Variants in PARP3 observed in about 807,000 individuals in gnomAD.
The protein encoded by PARP3 is poly(ADP-ribose) polymerase family member 3, also known as protein mono-ADP-ribosyltransferase PARP3.
PARP3 carries 46 observed loss-of-function variants against 58.2 expected under a neutral mutation model. The ratio of observed to expected loss-of-function variants is 0.79; its 90% confidence interval spans 0.62 to 1.01. The LOEUF is 1.01. Among genes scored for constraint, PARP3 ranks in the 50% least tolerant of loss-of-function variants. The probability of loss-of-function intolerance (pLI) is 0.00; values close to 1 mark genes in which losing one functional copy is unlikely to be tolerated. For missense variants in PARP3, 663 were observed against 683.9 expected (o/e 0.97, Z 0.34); for synonymous variants, 252 against 266.4 (o/e 0.95, Z 0.53).
In PARP3 at chr3:51,946,198, T is replaced by C; in HGVS notation, c.1131T>C (p.Gly377=). The C allele has an allele frequency of 1.2e-6, 2 of 1,610,070 alleles. No individual in the cohort carries two copies. The highest frequency in any genetic ancestry group is 1.7e-6 in the Non-Finnish European group (2 of 1,177,688). ...GATTCCAGGCCCACTCCAAACTGGGTAATCGGAAGCTGCTGTGGCATGGCA... is the reference window on the plus strand; with the variant it reads ...GATTCCAGGCCCACTCCAAACTGGGCAATCGGAAGCTGCTGTGGCATGGCA... The part of the protein sequence containing the change: ...EDRFQAHSKL[G]NRKLLWHGTN... The change falls in exon 9 of 11, where the codon GGT becomes GGC. Residue 377 remains glycine, a synonymous_variant. Coordinates refer to ENST00000398755, the MANE Select transcript of PARP3 (RefSeq NM_001003931.4). This position sits in a 1 kb window ranked among gnomAD's most constrained non-coding sequence, Gnocchi z 4.6.
chr3:51,943,237 C>T (rs909240787), intron 1 of PARP3, 117 bp from the exon 2 acceptor site: 17 of 1,169,012 alleles, frequency 1.5e-5, no homozygotes, highest in Middle Eastern at 2.8e-4. Flanking sequence ...GAAGGGCCAA[C>T]CCGGGGTGGG....
chr3:51,945,173 C>A lies in PARP3; in HGVS notation c.810C>A (p.Pro270=). Residue 270 remains proline (P), a synonymous_variant, in exon 6 of 11, where the codon CCC becomes CCA. Transcript: ENST00000398755. The part of the protein sequence containing the change: ...VIPHNFGHSQ[P]PPINSPELLQ... ...CGCACAACTTCGGCCACAGCCAGCC[C>A]CCGCCCATCAATTCCCCTGAGCTTC... is the stretch of plus-strand genomic sequence containing the variant. The A allele has an allele frequency of 6.2e-7, 1 of 1,614,032 alleles. No homozygotes were observed. The highest frequency in any genetic ancestry group is 8.5e-7 in the Non-Finnish European group (1 of 1,180,042).
chr3:51,947,718 G>C (rs367999368), intron 9 of PARP3, 22 bp from the exon 10 acceptor site: 2 of 1,613,214 alleles, frequency 1.2e-6, no homozygotes, highest in Non-Finnish European at 8.5e-7. Flanking sequence ...GCTGCCCACC[G>C]GTGCCTCCCT....
rs139115513 is a variant in PARP3 at position 51,944,789 on chromosome 3, C to T, written c.513C>T (p.Gly171=). 3.1e-6 allele frequency: 5 copies of T among 1,610,964 alleles called. No individual in the cohort carries two copies. The highest frequency in any genetic ancestry group is 4.2e-6 in the Non-Finnish European group (5 of 1,178,812). ...AQEAVVKVDR[G]PVRTVTKRVQ... ...CCCTCTATCTTCAGGTGGACAGAGG[C>T]CCAGTGAGGACTGTGACTAAGCGGG... Residue 171 remains glycine, a synonymous_variant, in exon 5 of 11, where the codon GGC becomes GGT. Transcript: ENST00000398755. This position sits in a 1 kb window ranked among gnomAD's most constrained non-coding sequence, Gnocchi z 4.2.
In PARP3 at chr3:51,947,902, C is replaced by G; in HGVS notation, c.1432+7C>G. ...CGAGGCCACACCGAGCCTGGTGAGT[C>G]CTCAGAAGCTGTACAGCCCAAGGAG... On this transcript the variant is annotated splice_region_variant and intron_variant, in intron 10 of 10. Coordinates refer to ENST00000398755, the MANE Select transcript of PARP3 (RefSeq NM_001003931.4). 6.2e-7 allele frequency: 1 copy of G among 1,613,594 alleles called. No individual in the cohort carries two copies. The highest frequency in any genetic ancestry group is 8.5e-7 in the Non-Finnish European group (1 of 1,179,958).
rs1559747135 is a variant in PARP3 at position 51,944,339 on chromosome 3, A to G, written c.313-51A>G. 6.2e-7 allele frequency: 1 copy of G among 1,607,550 alleles called. No homozygotes were observed. Among genetic ancestry groups the G allele is most frequent in the South Asian group, 1.1e-5 (1 of 90,590 alleles). On this transcript the variant is annotated intron_variant, in intron 3 of 10. Coordinates refer to ENST00000398755, the MANE Select transcript of PARP3 (RefSeq NM_001003931.4). The surrounding 1 kb of genome is among the most constrained non-coding windows in gnomAD (Gnocchi z 4.2). Reference sequence around the variant, plus strand: ...CAGCACAGGGCCTGGCCCGACACACAGGCCAGCAAATGCTGATGGTGGGCA... The same window carrying G: ...CAGCACAGGGCCTGGCCCGACACACGGGCCAGCAAATGCTGATGGTGGGCA...
rs774600519 is a variant in PARP3, at chr3:51,944,844, C to G, written c.568C>G (p.Gln190Glu). Residue 190 changes from glutamine to glutamate, a missense_variant, in exon 5 of 11, where the codon CAG becomes GAG. Transcript: ENST00000398755. The surrounding 1 kb of genome is among the most constrained non-coding windows in gnomAD (Gnocchi z 4.2). ...VQPCSLDPATQKLITNIFSKE... is the reference protein window; with the variant it reads ...VQPCSLDPATEKLITNIFSKE... ...GCCCTGCTCCCTGGACCCAGCCACG[C>G]AGAAGCTCATCACTAACATCTTCAG... 6.2e-7 allele frequency: 1 copy of G among 1,614,022 alleles called. No individual in the cohort carries two copies. Among genetic ancestry groups the G allele is most frequent in the South Asian group, 1.1e-5 (1 of 91,088 alleles).
At chr3:51,947,611 TG>T in intron 9 of PARP3, 128 bp from the exon 10 acceptor site, 2 of 944,386 alleles carry the variant, frequency 2.1e-6, no homozygotes, top group African/African-American at 3.3e-5. Flanking sequence ...GAGTGACGGT[TG>T]GGGGAGAGTG....
rs1281474780 is a variant in PARP3, at chr3:51,944,484, A to T, written c.407A>T (p.Asn136Ile). The T allele has an allele frequency of 1.2e-6, 2 of 1,614,042 alleles. No homozygotes were observed. The highest frequency in any genetic ancestry group is 1.7e-5 in the Admixed American group (1 of 60,012). Residue 136 changes from asparagine (N) to isoleucine (I), a missense_variant, in exon 4 of 11, where the codon AAC (asparagine) becomes ATC (isoleucine). Asn to Ile is a moderately radical substitution (Grantham distance 149, BLOSUM62 -3). This residue lies in a region of PARP3 where 567 missense variants were observed against 553.6 expected (regional missense o/e 1.02). Transcript: ENST00000398755. This position sits in a 1 kb window ranked among gnomAD's most constrained non-coding sequence, Gnocchi z 4.2. Reference sequence around the variant, plus strand: ...AAATTTCGGGAAAAGACCAAGAACAACTGGGCAGAGCGGGACCACTTTGTG... The same window carrying T: ...AAATTTCGGGAAAAGACCAAGAACATCTGGGCAGAGCGGGACCACTTTGTG... ...EKKFREKTKN[N>I]WAERDHFVSH...
chr3:51,948,614 T>C lies in PARP3; in HGVS notation c.*134T>C. 5 of 791,568 alleles carry C rather than the reference T, an allele frequency of 6.3e-6. No individual in the cohort carries two copies. The highest frequency in any genetic ancestry group is 7.9e-6 in the Non-Finnish European group (4 of 506,336). The allele number at this position is 791,568 out of a possible 1,614,324, so 49.0% of individuals were successfully genotyped here. On this transcript the variant is annotated 3_prime_UTR_variant, in exon 11 of 11. Transcript: ENST00000398755. ...TTGTTGTTAACTATAGTCACCATGC[T>C]GTACAAGATCCCTGAACTTATGCCT...
At position 51,942,474 on chromosome 3, in the gene PARP3, C is replaced by T; in HGVS notation, c.-237C>T. Reference sequence around the variant, plus strand: ...ATCGAGTGTCCACCCGTCCGTGGGACTGGTCGCCTGACTCGGCCTGCCCCA... The same window carrying T: ...ATCGAGTGTCCACCCGTCCGTGGGATTGGTCGCCTGACTCGGCCTGCCCCA... On this transcript the variant is annotated 5_prime_UTR_variant, in exon 1 of 11. Coordinates refer to ENST00000398755, the MANE Select transcript of PARP3 (RefSeq NM_001003931.4). 1.6e-6 allele frequency: 1 copy of T among 642,840 alleles called. No homozygotes were observed. Among genetic ancestry groups the T allele is most frequent in the Non-Finnish European group, 2.9e-6 (1 of 350,588 alleles). The allele number at this position is 642,840 out of a possible 1,614,324, so 39.8% of individuals were successfully genotyped here. A position where few individuals can be genotyped will look rare whatever the true frequency, so the allele number is the denominator to read the frequency against.
At chr3:51,947,980 G>A (rs1699720641) in intron 10 of PARP3, 85 bp downstream of exon 10, 1 of 1,367,036 alleles carries the variant, frequency 7.3e-7, no homozygotes, top group Non-Finnish European at 1.0e-6. Context: ...GGGCTGTGAA[G>A]AGGGACAAAA....
intron 10 of PARP3, 26 bp from the exon 11 acceptor site, chr3:51,948,283 CCA>C (rs1699727431): frequency 2.5e-6 from 4 of 1,599,454 alleles, no homozygotes; most frequent in Non-Finnish European, 3.4e-6. Flanking sequence ...GACCCCTGGG[CCA>C]CCCTGGCCCT....
At chr3:51,948,022 T>A in intron 10 of PARP3, 127 bp downstream of exon 10, 4 of 964,412 alleles carry the variant, frequency 4.1e-6, no homozygotes, top group Non-Finnish European at 4.7e-6. Flanking sequence ...CAGTTTGTCA[T>A]TTGACAAACA....
chr3:51,943,099 G>T (rs1699583315), intron 1 of PARP3: 3 of 1,241,302 alleles, frequency 2.4e-6, no homozygotes, highest in Non-Finnish European at 3.2e-6. Flanking sequence ...AGAGTGGGCA[G>T]ACTGGACAGA....
chr3:51,946,501 G>A lies in PARP3; in HGVS notation c.1276+158G>A. Among the ~76,000 whole-genome samples, 1 of 152,146 alleles carries A rather than the reference G, an allele frequency of 6.6e-6. No homozygotes were observed. Among genetic ancestry groups the A allele is most frequent in the East Asian group, 1.9e-4 (1 of 5,196 alleles). ...TGGGCTGTCCTGGGCTTTGGTGGCG[G>A]GGGGTCTTAGAGAAAGTGTCTGATG... On this transcript the variant is annotated intron_variant, in intron 9 of 10. Coordinates refer to ENST00000398755, the MANE Select transcript of PARP3 (RefSeq NM_001003931.4). The surrounding 1 kb of genome is among the most constrained non-coding windows in gnomAD (Gnocchi z 4.6).
Position 51,944,200 on chromosome 3 carries a change from A to C in PARP3, c.295A>C (p.Asn99His), listed in dbSNP as rs1269394296. The C allele has an allele frequency of 6.2e-7, 1 of 1,613,992 alleles. No homozygotes were observed. The highest frequency in any genetic ancestry group is 8.5e-7 in the Non-Finnish European group (1 of 1,180,000). ...CAGCAACCGCTTCTTCACCTGCTGG[A>C]ACCGCTGGGGCCGTGTGGTGAGTGC... Reference protein sequence around the residue: ...QDSNRFFTCWNRWGRVGEVGQ... With the variant: ...QDSNRFFTCWHRWGRVGEVGQ... The change falls in exon 3 of 11, where the codon AAC becomes CAC. Residue 99 changes from asparagine (N) to histidine (H), a missense_variant. Transcript: ENST00000398755. The surrounding 1 kb of genome is among the most constrained non-coding windows in gnomAD (Gnocchi z 4.2).
Position 51,945,644 on chromosome 3 carries a change from G to T in PARP3, c.1011G>T (p.Lys337Asn). 2 of 1,613,756 alleles carry T rather than the reference G, an allele frequency of 1.2e-6. No individual in the cohort carries two copies. Among genetic ancestry groups the T allele is most frequent in the Non-Finnish European group, 1.7e-6 (2 of 1,179,966 alleles). ...QLLDSGAPEYKVIQTYLEQTG... is the reference protein window; with the variant it reads ...QLLDSGAPEYNVIQTYLEQTG... ...TAGACTCTGGAGCACCTGAGTACAAGGTGAGTTGGGCCCCACAGAGGGGCC... is the reference window on the plus strand; with the variant it reads ...TAGACTCTGGAGCACCTGAGTACAATGTGAGTTGGGCCCCACAGAGGGGCC... Residue 337 changes from lysine (K) to asparagine (N), a missense_variant and splice_region_variant, in exon 7 of 11, where the codon AAG (lysine) becomes AAT (asparagine). Coordinates refer to ENST00000398755, the MANE Select transcript of PARP3 (RefSeq NM_001003931.4).
At position 51,944,896 on chromosome 3, in the gene PARP3, C is replaced by T; in HGVS notation, c.620C>T (p.Ala207Val). The change falls in exon 5 of 11, where the codon GCC becomes GTC. Residue 207 changes from alanine (A) to valine (V), a missense_variant. By Grantham distance (64) the Ala-to-Val change is moderately conservative. Transcript: ENST00000398755. The surrounding 1 kb of genome is among the most constrained non-coding windows in gnomAD (Gnocchi z 4.2). ...FSKEMFKNTM[A>V]LMDLDVKKMP... ...AAGGAGATGTTCAAGAACACCATGGCCCTCATGGACCTGGGTGAGGGGTGA... is the reference window on the plus strand; with the variant it reads ...AAGGAGATGTTCAAGAACACCATGGTCCTCATGGACCTGGGTGAGGGGTGA... The T allele has an allele frequency of 6.2e-7, 1 of 1,613,882 alleles. No individual in the cohort carries two copies. The highest frequency in any genetic ancestry group is 8.5e-7 in the Non-Finnish European group (1 of 1,180,022).
Sources: allele counts gnomAD v4.1 joint callset (sites outside exome capture counted in the v4.1 genomes callset), GRCh38; gene constraint gnomAD v4.1.1; regional missense constraint gnomAD v4.1.1; non-coding constraint Gnocchi (gnomAD v3.1); transcripts MANE v1.5; gene names NCBI Gene and HGNC (gene_info 2026-07-23, HGNC 2026-07-21).